Variants in ACSM3 observed in about 807,000 individuals in gnomAD.
ACSM3 encodes the protein acyl-coenzyme A synthetase ACSM3, mitochondrial.
ACSM3 carries 61 observed loss-of-function variants against 74.1 expected under a neutral mutation model. The ratio of observed to expected loss-of-function variants is 0.82; its 90% CI spans 0.67 to 1.02. The LOEUF (loss-of-function observed/expected upper bound fraction) is 1.02. Ranked by LOEUF, ACSM3 falls within the 50% of genes least tolerant of loss-of-function variation. The pLI, the probability that ACSM3 is intolerant of heterozygous loss-of-function variation, is 0.00. For missense variants in ACSM3, 660 were observed against 697.0 expected, an observed-to-expected ratio of 0.95 and a Z score of 0.60; for synonymous variants, 213 against 241.5, an observed-to-expected ratio of 0.88 and a Z score of 1.09.
intron 1 of ACSM3, among the ~76,000 whole-genome samples, chr16:20,716,705 T>C (rs2079762928): frequency 6.6e-6 from 1 of 152,204 alleles, no homozygotes; most frequent in African/African-American, 2.4e-5. Context: ...CTTTGTTTGA[T>C]CACCAATAAA....
At chr16:20,755,959 G>T (rs1344004816) in intron 3 of ACSM3, among the ~76,000 whole-genome samples, 1 of 152,018 alleles carries the variant, frequency 6.6e-6, no homozygotes, top group East Asian at 1.9e-4. Flanking sequence ...CAAAGGACAT[G>T]AACTCATCAT....
chr16:20,782,709 G>C (rs953491005), intron 7 of ACSM3, among the ~76,000 whole-genome samples: 12 of 152,202 alleles, frequency 7.9e-5, no homozygotes, highest in Non-Finnish European at 1.6e-4. Flanking sequence ...CTGCGCATAT[G>C]ACCAAATGGC....
chr16:20,781,870 C>A, intron 7 of ACSM3, 83 bp downstream of exon 7: 2 of 1,079,036 alleles, frequency 1.9e-6, no homozygotes, highest in South Asian at 1.3e-5. Context: ...CTGCCTGAAA[C>A]ATAGCTCCAA....
intron 2 of ACSM3, among the ~76,000 whole-genome samples, chr16:20,753,196 G>A (rs575780634): frequency 3.3e-5 from 5 of 151,856 alleles, no homozygotes; most frequent in Non-Finnish European, 7.4e-5. Context: ...TGGGTGGGGT[G>A]GCTCATACCT....
chr16:20,711,219 A>G (rs1402151653), intron 1 of ACSM3, among the ~76,000 whole-genome samples: 1 of 152,206 alleles, frequency 6.6e-6, no homozygotes, highest in Non-Finnish European at 1.5e-5. Context: ...AAAAAAAGAC[A>G]CAGAGAGATC....
At chr16:20,747,800 A>T (rs1226810006) in intron 1 of ACSM3, among the ~76,000 whole-genome samples, 1 of 152,240 alleles carries the variant, frequency 6.6e-6, no homozygotes, top group Non-Finnish European at 1.5e-5. Flanking sequence ...AGTCTTGAGT[A>T]AAACACTGAT....
intron 7 of ACSM3, 69 bp downstream of exon 7, chr16:20,781,856 C>A: frequency 8.1e-7 from 1 of 1,241,778 alleles, no homozygotes; most frequent in Non-Finnish European, 1.2e-6. Flanking sequence ...AATAAAAGAT[C>A]TTTCTGCCTG....
chr16:20,767,835 C>T (rs1449394493), intron 1 of ACSM3, among the ~76,000 whole-genome samples: 2 of 152,148 alleles, frequency 1.3e-5, no homozygotes, highest in Admixed American at 1.3e-4. Context: ...AGCCTTTGAA[C>T]CAAGAATGGT....
chr16:20,735,311 A>T (rs2079859312), intron 1 of ACSM3: 1 of 151,954 alleles, frequency 6.6e-6, no homozygotes, highest in African/African-American at 2.4e-5. Context: ...TCCTCTGAGA[A>T]GCCACTGGAT....
In ACSM3 at chr16:20,681,894, A is replaced by G. The variant is rs577324591; in HGVS notation, c.-190+7072A>G. On this transcript the variant is annotated intron_variant, in intron 1 of 3. Transcript: ENST00000561584. Reference sequence around the variant, plus strand: ...ATCTCTCCCTTTCCCAGGCATTGTGAAGACCCTGTTTCTCCAGCTGTGCAG... The same window carrying G: ...ATCTCTCCCTTTCCCAGGCATTGTGGAGACCCTGTTTCTCCAGCTGTGCAG... 6.9e-5 allele frequency: 12 copies of G among 172,972 alleles called. No homozygotes were observed. In the South Asian group the frequency reaches 1.7e-3, roughly 24 times the overall value. The allele number at this position is 172,972 out of a possible 1,614,324, so 10.7% of individuals were successfully genotyped here. A position where few individuals can be genotyped will look rare whatever the true frequency, so the allele number is the denominator to read the frequency against.
At chr16:20,726,678 A>G (rs1185018414) in intron 1 of ACSM3, among the ~76,000 whole-genome samples, 1 of 152,238 alleles carries the variant, frequency 6.6e-6, no homozygotes, top group Non-Finnish European at 1.5e-5. Context: ...TCAAACAGGC[A>G]GGGCCCTACT....
chr16:20,726,954 G>A (rs749406521), intron 1 of ACSM3, among the ~76,000 whole-genome samples: 4 of 152,210 alleles, frequency 2.6e-5, no homozygotes, highest in Non-Finnish European at 5.9e-5. Context: ...TAAAGTAGGG[G>A]TTGAGAGGAG....
At chr16:20,691,778 TG>T in intron 1 of ACSM3, among the ~76,000 whole-genome samples, 2 of 150,912 alleles carry the variant, frequency 1.3e-5, no homozygotes, top group African/African-American at 4.9e-5. Flanking sequence ...TGTGTGTGTG[TG>T]TGTGTGTGTG....
At chr16:20,782,667 C>T (rs903267047) in intron 7 of ACSM3, among the ~76,000 whole-genome samples, 4 of 152,188 alleles carry the variant, frequency 2.6e-5, no homozygotes, top group Admixed American at 6.5e-5. Flanking sequence ...TCTTTCCCAT[C>T]TCAAATGCTA....
At chr16:20,745,713 G>A (rs2079955017) in intron 1 of ACSM3, among the ~76,000 whole-genome samples, 1 of 152,130 alleles carries the variant, frequency 6.6e-6, no homozygotes, top group Admixed American at 6.5e-5. Flanking sequence ...ATATTCAGAA[G>A]GCCTCACAGC....
rs1216173827 is a variant in ACSM3, at chr16:20,742,792, AATATAT to A, written c.-189-7101_-189-7096del. Among the ~76,000 whole-genome samples the A allele has an allele frequency of 3.2e-3, 437 of 136,406 alleles. 3 individuals are homozygous for A. Among genetic ancestry groups the A allele is most frequent in the African/African-American group, 9.1e-3 (335 of 36,776 alleles). The allele number at this position is 136,406 out of a possible 152,430, so 89.5% of individuals were successfully genotyped here. A position where few individuals can be genotyped will look rare whatever the true frequency, so the allele number is the denominator to read the frequency against. The stretch of plus-strand genomic sequence containing the variant: ...AATCCAACATAGTCTGGTGCGTGTA[AATATAT>A]ATATATATATATATATTTTTTTTTT... On this transcript the variant is annotated intron_variant, in intron 1 of 3. Transcript: ENST00000561584.
chr16:20,788,778 T>C (rs1253149031), intron 9 of ACSM3, among the ~76,000 whole-genome samples: 1 of 152,208 alleles, frequency 6.6e-6, no homozygotes, highest in African/African-American at 2.4e-5. Context: ...AATCTGTAAG[T>C]AACTGGAACT....
chr16:20,765,316 G>A (rs959525679), intron 1 of ACSM3, among the ~76,000 whole-genome samples: 2 of 152,168 alleles, frequency 1.3e-5, no homozygotes, highest in African/African-American at 4.8e-5. Flanking sequence ...TGAAAAGGGA[G>A]GAAAAGAACT....
rs2079769704 is a variant in ACSM3 at position 20,717,963 on chromosome 16, GAAGAAGAA to G, written c.-189-31946_-189-31939del. Among the ~76,000 whole-genome samples, 827 of 93,486 alleles carry G rather than the reference GAAGAAGAA, an allele frequency of 8.8e-3. 2 individuals are homozygous for G. The highest frequency in any genetic ancestry group is 0.017 in the Middle Eastern group (3 of 180). The allele number at this position is 93,486 out of a possible 152,430, so 61.3% of individuals were successfully genotyped here. A position where few individuals can be genotyped will look rare whatever the true frequency, so the allele number is the denominator to read the frequency against. On this transcript the variant is annotated intron_variant, in intron 1 of 3. Transcript: ENST00000561584. ...AGAAGAGGAAGAGGAAGAGGAAGAA[GAAGAAGAA>G]GAAGAAGAAGAAGAAGAAGAAGAAG...
Sources: allele counts gnomAD v4.1 joint callset (sites outside exome capture counted in the v4.1 genomes callset), GRCh38; gene constraint gnomAD v4.1.1; transcripts MANE v1.5; gene names NCBI Gene and HGNC (gene_info 2026-07-23, HGNC 2026-07-21).